Variants in RBFOX1 observed in about 807,000 individuals in gnomAD.
RBFOX1 encodes the protein RNA binding protein fox-1 homolog 1.
A neutral mutation model predicts 57.7 loss-of-function variants in RBFOX1; 8 were observed. The observed-to-expected ratio is 0.14, with a 90% CI of 0.08 to 0.25. The LOEUF (loss-of-function observed/expected upper bound fraction) is 0.25. RBFOX1 is among the 10% of genes least tolerant of loss of function. RBFOX1 has a pLI of 1.00. For missense variants in RBFOX1, 611 were observed against 548.5 expected (o/e 1.11, Z -1.14); for synonymous variants, 326 against 222.4 (o/e 1.47, Z -4.15).
intron 3 of RBFOX1, among the ~76,000 whole-genome samples, chr16:6,930,011 ATC>A (rs1555637867): frequency 6.6e-6 from 1 of 152,086 alleles, no homozygotes; most frequent in Non-Finnish European, 1.5e-5. Flanking sequence ...ACAGAGCGAG[ATC>A]TCTCTCTTCT....
In RBFOX1 at chr16:6,702,023, T is replaced by TCTGTA. The variant is rs111469459; in HGVS notation, c.-16+47375_-16+47379dup. ...GCTTATTACCTGGGTGACAAAATAA[T>TCTGTA]CTGTACACCATACCCTTGCAACATA... On this transcript the variant is annotated intron_variant, in intron 3 of 15. Coordinates refer to ENST00000550418, the MANE Select transcript of RBFOX1 (RefSeq NM_018723.4). Among the ~76,000 whole-genome samples, 436 of 152,234 alleles carry TCTGTA rather than the reference T, an allele frequency of 2.9e-3. 3 individuals are homozygous for TCTGTA. The highest frequency in any genetic ancestry group is 0.01 in the African/African-American group (419 of 41,550).
Position 7,028,282 on chromosome 16 carries a change from A to G in RBFOX1, c.-15-23775A>G, listed in dbSNP as rs980451808. 3.3e-5 allele frequency among the ~76,000 whole-genome samples: 5 copies of G among 152,268 alleles called. No homozygotes were observed. In the East Asian group the frequency reaches 9.7e-4, roughly 30 times the overall value. On this transcript the variant is annotated intron_variant, in intron 3 of 15. Transcript: ENST00000550418. ...TAAGCCATTTTCTAATCAAATTGGC[A>G]CACAGTTCATGCTCTGACTTGGTAT...
chr16:7,106,807 C>CA, intron 4 of RBFOX1, among the ~76,000 whole-genome samples: 1 of 151,912 alleles, frequency 6.6e-6, no homozygotes, highest in Admixed American at 6.6e-5. Context: ...TAAAAGGTGT[C>CA]TGCTGGACAG....
At chr16:6,779,531 C>G (rs112427890) in intron 3 of RBFOX1, among the ~76,000 whole-genome samples, 5 of 150,558 alleles carry the variant, frequency 3.3e-5, no homozygotes, top group Admixed American at 1.3e-4. Context: ...GAATATATAC[C>G]CAACAGTGAG....
chr16:7,465,732 G>A (rs1211237015), intron 4 of RBFOX1, among the ~76,000 whole-genome samples: 1 of 152,076 alleles, frequency 6.6e-6, no homozygotes, highest in East Asian at 1.9e-4. Context: ...CAGATTTGTG[G>A]GTCCCTCTTC....
At chr16:7,010,253 G>T (rs1001057537) in intron 3 of RBFOX1, among the ~76,000 whole-genome samples, 3 of 152,198 alleles carry the variant, frequency 2.0e-5, no homozygotes, top group African/African-American at 7.2e-5. Flanking sequence ...GAGCTAAATG[G>T]CAAATTCTCC....
At chr16:7,035,018 T>A (rs2153697561) in intron 3 of RBFOX1, among the ~76,000 whole-genome samples, 1 of 151,298 alleles carries the variant, frequency 6.6e-6, no homozygotes, top group South Asian at 2.1e-4. Flanking sequence ...TGGCTAATTT[T>A]TGTATTTTTA....
At chr16:7,017,159 CAG>C (rs1179176686) in intron 3 of RBFOX1, among the ~76,000 whole-genome samples, 1 of 152,126 alleles carries the variant, frequency 6.6e-6, no homozygotes, top group Non-Finnish European at 1.5e-5. Context: ...AAGGTGCAAA[CAG>C]AGTCGCGGCC....
intron 3 of RBFOX1, among the ~76,000 whole-genome samples, chr16:6,701,202 T>G (rs910847293): frequency 1.3e-5 from 2 of 152,092 alleles, no homozygotes; most frequent in Non-Finnish European, 2.9e-5. Context: ...CCTACCTCTC[T>G]CAGTCATTGG....
chr16:7,594,337 A>G (rs1299265151), intron 7 of RBFOX1, among the ~76,000 whole-genome samples: 1 of 152,216 alleles, frequency 6.6e-6, no homozygotes, highest in Non-Finnish European at 1.5e-5. Flanking sequence ...GGAGCCAACA[A>G]GGATTATTTG....
chr16:5,879,214 A>G (rs1486238974), intron 4 of RBFOX1, among the ~76,000 whole-genome samples: 2 of 152,226 alleles, frequency 1.3e-5, no homozygotes, highest in South Asian at 2.1e-4. Context: ...CAAATGCAGT[A>G]TCTCAAGAAG....
At chr16:7,446,728 C>T (rs969745010) in intron 4 of RBFOX1, among the ~76,000 whole-genome samples, 1 of 149,130 alleles carries the variant, frequency 6.7e-6, no homozygotes, top group Non-Finnish European at 1.5e-5. Context: ...TTTTCTCTTA[C>T]TAAAGAAGAC....
chr16:5,763,190 T>G (rs1330336193), intron 3 of RBFOX1, among the ~76,000 whole-genome samples: 2 of 152,182 alleles, frequency 1.3e-5, no homozygotes, highest in Non-Finnish European at 2.9e-5. Flanking sequence ...TGGGCAGCCT[T>G]CCTTCCCCGC....
intron 4 of RBFOX1, among the ~76,000 whole-genome samples, chr16:5,871,334 A>G (rs2057464927): frequency 6.6e-6 from 1 of 152,230 alleles, no homozygotes; most frequent in Non-Finnish European, 1.5e-5. Context: ...AAGATGTCAC[A>G]TACATAATAT....
At chr16:7,295,241 A>G (rs1355374641) in intron 4 of RBFOX1, among the ~76,000 whole-genome samples, 1 of 152,180 alleles carries the variant, frequency 6.6e-6, no homozygotes. Context: ...TATGATGTCT[A>G]TACATTTTTG....
At chr16:6,046,602 C>T (rs2095498269) in intron 1 of RBFOX1, among the ~76,000 whole-genome samples, 3 of 142,848 alleles carry the variant, frequency 2.1e-5, no homozygotes, top group Admixed American at 1.4e-4. Flanking sequence ...AAAGTAGATA[C>T]CAAGGGAATA....
At chr16:6,347,346 C>T (rs1018031643) in intron 2 of RBFOX1, among the ~76,000 whole-genome samples, 40 of 152,162 alleles carry the variant, frequency 2.6e-4, no homozygotes, top group Admixed American at 2.6e-3. Flanking sequence ...GTGCTGCATA[C>T]TATGCTTGGT....
chr16:7,074,447 C>T (rs2057935655), intron 4 of RBFOX1, among the ~76,000 whole-genome samples: 1 of 152,052 alleles, frequency 6.6e-6, no homozygotes, highest in South Asian at 2.1e-4. Context: ...AGTACAGTAT[C>T]TGAAATGTAA....
intron 4 of RBFOX1, among the ~76,000 whole-genome samples, chr16:7,409,230 T>C (rs796489082): frequency 7.2e-5 from 11 of 152,316 alleles, no homozygotes; most frequent in African/African-American, 2.6e-4. Context: ...GATGTGGTCT[T>C]ATCAGGCTGA....
Sources: allele counts gnomAD v4.1 joint callset (sites outside exome capture counted in the v4.1 genomes callset), GRCh38; gene constraint gnomAD v4.1.1; transcripts MANE v1.5; gene names NCBI Gene and HGNC (gene_info 2026-07-23, HGNC 2026-07-21).